Variants in UBE2D2 observed in about 807,000 individuals in gnomAD.
UBE2D2 encodes the protein ubiquitin conjugating enzyme E2 D2.
A neutral mutation model predicts 24.2 loss-of-function variants in UBE2D2; 2 were observed. The ratio of observed to expected loss-of-function variants is 0.08; its 90% CI spans 0.03 to 0.26. The LOEUF (loss-of-function observed/expected upper bound fraction) is 0.26. Among genes scored for constraint, UBE2D2 ranks in the 10% least tolerant of loss-of-function variants. UBE2D2 has a pLI of 1.00. For missense variants in UBE2D2, 44 were observed against 177.6 expected, an observed-to-expected ratio of 0.25 and a Z score of 4.28; for synonymous variants, 58 against 56.5, an observed-to-expected ratio of 1.03 and a Z score of -0.12.
intron 1 of UBE2D2, among the ~76,000 whole-genome samples, chr5:139,536,789 C>A (rs1474963133): frequency 6.6e-6 from 1 of 152,244 alleles, no homozygotes. Flanking sequence ...CGCACCCGGC[C>A]CACTTGCTTA....
chr5:139,609,532 T>G lies in UBE2D2; in HGVS notation c.89-5054T>G, dbSNP rs796256385. On this transcript the variant is annotated intron_variant, in intron 2 of 6. Coordinates refer to ENST00000398733, the MANE Select transcript of UBE2D2 (RefSeq NM_003339.3). Reference sequence around the variant, plus strand: ...ATTACAGGCAATGCGCCACCATGCTTGGCTAATTTTGTATTTTTAGTAGAG... The same window carrying G: ...ATTACAGGCAATGCGCCACCATGCTGGGCTAATTTTGTATTTTTAGTAGAG... Among the ~76,000 whole-genome samples the G allele has an allele frequency of 2.7e-4, 40 of 150,292 alleles. 1 individual carries two copies. The highest frequency in any genetic ancestry group is 9.3e-4 in the African/African-American group (38 of 40,986).
intron 1 of UBE2D2, among the ~76,000 whole-genome samples, chr5:139,595,968 A>G (rs1468963043): frequency 1.5e-5 from 2 of 137,848 alleles, no homozygotes; most frequent in South Asian, 2.2e-4. Flanking sequence ...ATCTGGGCTC[A>G]CTGCAACCTC....
chr5:139,535,422 C>T (rs1363492644), intron 1 of UBE2D2, among the ~76,000 whole-genome samples: 1 of 151,978 alleles, frequency 6.6e-6, no homozygotes, highest in African/African-American at 2.4e-5. Context: ...CGCCATTGCA[C>T]TCCAGCCTGG....
At chr5:139,570,003 A>T (rs530611588) in intron 1 of UBE2D2, among the ~76,000 whole-genome samples, 45 of 152,228 alleles carry the variant, frequency 3.0e-4, no homozygotes, top group African/African-American at 1.0e-3. Context: ...CATGCCTGTA[A>T]TCCCAACACT....
chr5:139,531,492 A>G (rs1050190744), intron 1 of UBE2D2, among the ~76,000 whole-genome samples: 1 of 152,034 alleles, frequency 6.6e-6, no homozygotes, highest in African/African-American at 2.4e-5. Context: ...TAGCTTGCCG[A>G]TGCTCCCAGC....
intron 2 of UBE2D2, among the ~76,000 whole-genome samples, chr5:139,604,433 C>G (rs1040378617): frequency 2.6e-5 from 4 of 152,104 alleles, no homozygotes; most frequent in Admixed American, 2.0e-4. Context: ...CCACCCCACC[C>G]AGCTGTTTAA....
intron 1 of UBE2D2, among the ~76,000 whole-genome samples, chr5:139,548,179 AAAAAT>A (rs1561498568): frequency 5.5e-4 from 22 of 40,234 alleles, no homozygotes; most frequent in African/African-American, 1.4e-3. Context: ...AAAAAAAAAA[AAAAAT>A]AAAAAAAAAA....
intron 1 of UBE2D2, among the ~76,000 whole-genome samples, chr5:139,532,944 T>C (rs1041732247): frequency 6.6e-6 from 1 of 151,074 alleles, no homozygotes; most frequent in Non-Finnish European, 1.5e-5. Context: ...CCGTCTCTAC[T>C]AAAAAATACA....
intron 1 of UBE2D2, among the ~76,000 whole-genome samples, chr5:139,589,903 G>GC (rs1477187681): frequency 6.6e-6 from 1 of 151,938 alleles, no homozygotes; most frequent in Non-Finnish European, 1.5e-5. Context: ...TCCTGCCTCA[G>GC]CCTCCCGAGT....
rs57962602 is a variant in UBE2D2 at position 139,590,782 on chromosome 5, C to CTTTTTTTTTTTTTTTTTTTTTTTTT, written c.25-9584_25-9560dup. 7.8e-5 allele frequency among the ~76,000 whole-genome samples: 3 copies of CTTTTTTTTTTTTTTTTTTTTTTTTT among 38,422 alleles called. 1 individual carries two copies. The highest frequency in any genetic ancestry group is 1.5e-4 in the Non-Finnish European group (3 of 19,474). 25.2% of individuals were successfully genotyped at this position (38,422 alleles called of 152,430 possible). A position where few individuals can be genotyped will look rare whatever the true frequency, so the allele number is the denominator to read the frequency against. The stretch of plus-strand genomic sequence containing the variant: ...TTCATGGTGGGTATTTTCTCTTCTT[C>CTTTTTTTTTTTTTTTTTTTTTTTTT]TTTTTTTTTTTTTTTTTTTTTTTTT... On this transcript the variant is annotated intron_variant, in intron 1 of 6. Transcript: ENST00000398733.
intron 1 of UBE2D2, among the ~76,000 whole-genome samples, chr5:139,552,515 T>G: frequency 6.7e-6 from 1 of 149,496 alleles, no homozygotes; most frequent in East Asian, 2.0e-4. Flanking sequence ...TTTTCTTTTT[T>G]TTTTTTTTTT....
chr5:139,586,483 A>C (rs1272503244), intron 1 of UBE2D2, among the ~76,000 whole-genome samples: 1 of 152,044 alleles, frequency 6.6e-6, no homozygotes, highest in Non-Finnish European at 1.5e-5. Context: ...GAATTTTCTT[A>C]GGCTGGACAC....
In UBE2D2 at chr5:139,599,840, A is replaced by G. The variant is rs569083224; in HGVS notation, c.25-532A>G. 2.2e-4 allele frequency among the ~76,000 whole-genome samples: 33 copies of G among 152,070 alleles called. No individual in the cohort carries two copies. The East Asian group carries it at 5.3e-3, about 24-fold the overall frequency. On this transcript the variant is annotated intron_variant, in intron 1 of 6. Transcript: ENST00000398733. ...TTTTTTTGAAATGGAGTCTCGCTCT[A>G]TCACCCAGGCTGGAGTGCAGTGGTG... is the stretch of plus-strand genomic sequence containing the variant.
At position 139,592,081 on chromosome 5, in the gene UBE2D2, A is replaced by T. The variant is rs568248030; in HGVS notation, c.25-8291A>T. ...GCCGGGCCTGGTGGCGGGCGCCTGT[A>T]ATCCCAGCTACTCGGGAGGCTGAGG... On this transcript the variant is annotated intron_variant, in intron 1 of 6. Transcript: ENST00000398733. Among the ~76,000 whole-genome samples the T allele has an allele frequency of 5.9e-5, 9 of 152,284 alleles. No homozygotes were observed. In the East Asian group the frequency reaches 1.7e-3, roughly 29 times the overall value.
intron 2 of UBE2D2, among the ~76,000 whole-genome samples, chr5:139,609,746 G>T (rs1044092324): frequency 1.4e-5 from 2 of 146,730 alleles, no homozygotes; most frequent in African/African-American, 5.0e-5. Flanking sequence ...TTTTTAAGTT[G>T]TTTTCTTTCT....
chr5:139,568,619 T>A (rs1195203783), intron 1 of UBE2D2, among the ~76,000 whole-genome samples: 1 of 151,750 alleles, frequency 6.6e-6, no homozygotes, highest in Non-Finnish European at 1.5e-5. Context: ...ATCGCGCCGC[T>A]GCATTCTAGC....
chr5:139,568,658 A>G (rs1433284429), intron 1 of UBE2D2, among the ~76,000 whole-genome samples: 2 of 151,482 alleles, frequency 1.3e-5, no homozygotes, highest in Non-Finnish European at 2.9e-5. Context: ...CTCTGTCTAG[A>G]AAAAGAAAAA....
intron 1 of UBE2D2, among the ~76,000 whole-genome samples, chr5:139,573,050 C>T (rs370408112): frequency 2.6e-4 from 39 of 151,830 alleles, no homozygotes; most frequent in African/African-American, 8.5e-4. Flanking sequence ...GCCTGTAATC[C>T]CAGCTCTTTG....
At chr5:139,622,819 G>A (rs1412766177) in intron 5 of UBE2D2, among the ~76,000 whole-genome samples, 2 of 151,992 alleles carry the variant, frequency 1.3e-5, no homozygotes, top group Non-Finnish European at 2.9e-5. Flanking sequence ...GAACCTGAGA[G>A]GCGGAGCTTG....
Sources: allele counts gnomAD v4.1 joint callset (sites outside exome capture counted in the v4.1 genomes callset), GRCh38; gene constraint gnomAD v4.1.1; transcripts MANE v1.5; gene names NCBI Gene and HGNC (gene_info 2026-07-23, HGNC 2026-07-21).